The following PDE4D variants were observed in gnomAD, a reference collection of about 807,000 sequenced individuals.
PDE4D encodes the protein phosphodiesterase 4D.
PDE4D carries 24 observed loss-of-function variants against 87.4 expected under a neutral mutation model. That is an observed-to-expected ratio of 0.27 (90% CI 0.20 to 0.39). The LOEUF (loss-of-function observed/expected upper bound fraction) is 0.39. Among genes scored for constraint, PDE4D ranks in the 10% least tolerant of loss-of-function variants. The pLI is 1.00. For missense variants in PDE4D, 714 were observed against 1,041.0 expected, an observed-to-expected ratio of 0.69 and a Z score of 4.32; for synonymous variants, 384 against 383.2, an observed-to-expected ratio of 1.00 and a Z score of -0.02.
At chr5:59,067,394 C>T (rs1764105595) in intron 5 of PDE4D, among the ~76,000 whole-genome samples, 1 of 152,042 alleles carries the variant, frequency 6.6e-6, no homozygotes, top group Non-Finnish European at 1.5e-5. Context: ...AGCTGAAAGA[C>T]AGAAAATAGC....
At chr5:59,581,703 T>C (rs116770904) in intron 1 of PDE4D, among the ~76,000 whole-genome samples, 84 of 152,340 alleles carry the variant, frequency 5.5e-4, no homozygotes, top group African/African-American at 2.0e-3. Flanking sequence ...TATCATAGCA[T>C]ACTTAATCGA....
At chr5:59,585,305 T>G (rs1824933819) in intron 1 of PDE4D, among the ~76,000 whole-genome samples, 1 of 152,200 alleles carries the variant, frequency 6.6e-6, no homozygotes, top group Non-Finnish European at 1.5e-5. Flanking sequence ...TGGTGGTACC[T>G]TAAGCTCTCA....
At chr5:59,284,009 G>A (rs549097) in intron 1 of PDE4D, among the ~76,000 whole-genome samples, 14,154 of 152,064 alleles carry the variant, frequency 0.093, 1,687 homozygotes, top group East Asian at 0.43. Context: ...TCCTCCCAGG[G>A]TTCCTCTGGG....
chr5:59,854,214 G>A (rs907749184), intron 1 of PDE4D, among the ~76,000 whole-genome samples: 2 of 152,002 alleles, frequency 1.3e-5, no homozygotes, highest in Non-Finnish European at 2.9e-5. Flanking sequence ...ACTGGAGATG[G>A]CATCTTGGTT....
intron 1 of PDE4D, among the ~76,000 whole-genome samples, chr5:60,197,881 G>A (rs540311561): frequency 2.0e-5 from 3 of 151,662 alleles, no homozygotes; most frequent in Non-Finnish European, 3.0e-5. Context: ...CCCTTGCAAG[G>A]GAATGAGCCC....
At chr5:60,033,338 T>C (rs1767449639) in intron 2 of PDE4D, among the ~76,000 whole-genome samples, 1 of 152,124 alleles carries the variant, frequency 6.6e-6, no homozygotes. Context: ...GTGTGAAGTT[T>C]TGCACGAGGA....
At chr5:59,635,863 C>T (rs183719480) in intron 1 of PDE4D, among the ~76,000 whole-genome samples, 1 of 152,206 alleles carries the variant, frequency 6.6e-6, no homozygotes, top group East Asian at 1.9e-4. Flanking sequence ...CTGTTCAACA[C>T]AGTATTGGAA....
At chr5:59,813,626 T>C (rs1258939077) in intron 1 of PDE4D, among the ~76,000 whole-genome samples, 3 of 152,218 alleles carry the variant, frequency 2.0e-5, no homozygotes, top group Admixed American at 2.0e-4. Context: ...TTTTCCTTTT[T>C]TCTTATAATG....
chr5:60,469,901 T>C (rs891784528), intron 1 of PDE4D, among the ~76,000 whole-genome samples: 1 of 152,170 alleles, frequency 6.6e-6, no homozygotes, highest in Non-Finnish European at 1.5e-5. Flanking sequence ...TTAATAACCC[T>C]ACAATTTCCT....
At chr5:59,071,949 G>A (rs1002700961) in intron 5 of PDE4D, among the ~76,000 whole-genome samples, 9 of 151,892 alleles carry the variant, frequency 5.9e-5, no homozygotes, top group East Asian at 1.9e-4. Context: ...TTGGCCTCCC[G>A]AAGTGTTGGG....
intron 1 of PDE4D, among the ~76,000 whole-genome samples, chr5:60,226,275 T>C (rs1335533487): frequency 1.3e-5 from 2 of 152,140 alleles, no homozygotes; most frequent in Non-Finnish European, 2.9e-5. Context: ...CCATGTCACA[T>C]ATGGTGACAG....
Position 59,462,705 on chromosome 5 carries a change from G to C in PDE4D, c.456-246737C>G, listed in dbSNP as rs1267012857. Among the ~76,000 whole-genome samples, 3 of 152,108 alleles carry C rather than the reference G, an allele frequency of 2.0e-5. 1 individual carries two copies. The highest frequency in any genetic ancestry group is 4.1e-4 in the South Asian group (2 of 4,826). On this transcript the variant is annotated intron_variant, in intron 1 of 14. Coordinates refer to ENST00000340635, the MANE Select transcript of PDE4D (RefSeq NM_001104631.2). ...GAGAGCAAATAGGAAGTTGGGCTGG[G>C]CTGGTAAATCAAAGATACGTCTTAG...
intron 1 of PDE4D, among the ~76,000 whole-genome samples, chr5:59,864,353 A>G (rs1260198686): frequency 6.6e-6 from 1 of 152,192 alleles, no homozygotes; most frequent in Non-Finnish European, 1.5e-5. Context: ...GTTGGCTATT[A>G]TTTCTTTCTT....
At chr5:60,418,807 A>G (rs1284296607) in intron 1 of PDE4D, among the ~76,000 whole-genome samples, 1 of 152,154 alleles carries the variant, frequency 6.6e-6, no homozygotes, top group Non-Finnish European at 1.5e-5. Flanking sequence ...TTGTGCTATC[A>G]AATAGTAGGT....
chr5:58,975,895 AAAC>A lies in PDE4D; in HGVS notation c.1831-59_1831-57del, dbSNP rs1430738109. On this transcript the variant is annotated intron_variant, in intron 13 of 14. Transcript: ENST00000340635. This position sits in a 1 kb window ranked among gnomAD's most constrained non-coding sequence, Gnocchi z 4.2. ...TCCTGTTCCTTTTTTTTAAAAAAAA[AAAC>A]AAAAAAAACTAGAAATTCACATTGG... is the stretch of plus-strand genomic sequence containing the variant. The A allele has an allele frequency of 6.3e-6, 8 of 1,263,282 alleles. No homozygotes were observed. Among genetic ancestry groups the A allele is most frequent in the African/African-American group, 4.7e-5 (3 of 64,386 alleles). 78.3% of individuals were successfully genotyped at this position (1,263,282 alleles called of 1,614,324 possible).
intron 1 of PDE4D, among the ~76,000 whole-genome samples, chr5:59,534,631 G>A (rs1404983588): frequency 6.6e-6 from 1 of 152,196 alleles, no homozygotes; most frequent in African/African-American, 2.4e-5. Context: ...CTTGTGGGAT[G>A]AACCTGTGTG....
intron 1 of PDE4D, among the ~76,000 whole-genome samples, chr5:60,255,617 A>G (rs1669766393): frequency 6.6e-6 from 1 of 151,902 alleles, no homozygotes; most frequent in African/African-American, 2.4e-5. Flanking sequence ...ATAACATAGT[A>G]TATTGTTATA....
intron 1 of PDE4D, among the ~76,000 whole-genome samples, chr5:59,311,510 A>C (rs1772613695): frequency 1.3e-5 from 2 of 149,668 alleles, no homozygotes; most frequent in Non-Finnish European, 3.0e-5. Flanking sequence ...AAAAAAAAAA[A>C]AAAAAAAAAA....
chr5:59,406,072 C>G (rs764960875), intron 1 of PDE4D, among the ~76,000 whole-genome samples: 131 of 152,118 alleles, frequency 8.6e-4, no homozygotes, highest in Non-Finnish European at 1.6e-3. Flanking sequence ...ACTCCCTCCT[C>G]CTCTATTTTT....
Sources: gnomAD v4.1 joint callset for allele counts (sites outside exome capture counted in the v4.1 genomes callset) on GRCh38, gnomAD v4.1.1 for gene constraint, Gnocchi (gnomAD v3.1) non-coding constraint, MANE v1.5 for transcripts, NCBI Gene and HGNC (gene_info 2026-07-23, HGNC 2026-07-21) for gene names.